Variants in SNCAIP observed in about 807,000 individuals in gnomAD.
SNCAIP encodes synphilin-1.
In SNCAIP, 43 loss-of-function variants were observed where a neutral mutation model predicts 86.7. The observed-to-expected ratio is 0.50, with a 90% confidence interval of 0.39 to 0.64. The LOEUF (loss-of-function observed/expected upper bound fraction) is 0.64. Ranked by LOEUF, SNCAIP falls within the 30% of genes least tolerant of loss-of-function variation. The pLI, the probability that SNCAIP is intolerant of heterozygous loss-of-function variation, is 0.00. For synonymous variants in SNCAIP, 417 were observed against 427.2 expected (o/e 0.98, Z 0.29); for missense variants, 981 against 1,103.1 (o/e 0.89, Z 1.57).
intron 3 of SNCAIP, among the ~76,000 whole-genome samples, chr5:122,418,917 T>C (rs1347161089): frequency 1.3e-5 from 2 of 152,124 alleles, no homozygotes; most frequent in African/African-American, 2.4e-5. Flanking sequence ...AGGAAAACCT[T>C]GCAGAGACTG....
At chr5:122,336,037 T>C (rs899177448) in intron 1 of SNCAIP, among the ~76,000 whole-genome samples, 1 of 152,216 alleles carries the variant, frequency 6.6e-6, no homozygotes, top group Admixed American at 6.5e-5. Flanking sequence ...AATATCTGCA[T>C]TTTATTATTA....
At chr5:122,348,550 A>G (rs533746151) in intron 1 of SNCAIP, among the ~76,000 whole-genome samples, 73 of 152,286 alleles carry the variant, frequency 4.8e-4, no homozygotes, top group Non-Finnish European at 8.8e-4. Context: ...GCTTATAACA[A>G]TTTAATGCAG....
At chr5:122,313,391 T>A (rs139806670) in intron 1 of SNCAIP, among the ~76,000 whole-genome samples, 180 of 152,368 alleles carry the variant, frequency 1.2e-3, no homozygotes, top group African/African-American at 3.8e-3. Context: ...AAATAAGGGC[T>A]GTCTGGGGAA....
intron 8 of SNCAIP, among the ~76,000 whole-genome samples, chr5:122,446,240 T>C (rs953350701): frequency 6.6e-6 from 1 of 152,222 alleles, no homozygotes; most frequent in Admixed American, 6.5e-5. Flanking sequence ...GACATACATA[T>C]TTAAAATGTG....
At chr5:122,403,202 G>A (rs1012522942) in intron 2 of SNCAIP, among the ~76,000 whole-genome samples, 1 of 152,128 alleles carries the variant, frequency 6.6e-6, no homozygotes, top group Non-Finnish European at 1.5e-5. Flanking sequence ...AAAGAGATGA[G>A]CTTTCAAACA....
chr5:122,387,914 A>T (rs540130575), intron 1 of SNCAIP, among the ~76,000 whole-genome samples: 45 of 152,366 alleles, frequency 3.0e-4, no homozygotes, highest in African/African-American at 9.9e-4. Context: ...ATCTTAGAAT[A>T]CAAATTAAAT....
intron 1 of SNCAIP, among the ~76,000 whole-genome samples, chr5:122,330,111 T>TC (rs1754946604): frequency 1.4e-5 from 2 of 142,920 alleles, no homozygotes; most frequent in African/African-American, 5.4e-5. Context: ...GTGTACAACT[T>TC]CATTTCTTTT....
chr5:122,377,772 G>A (rs1306216190), intron 1 of SNCAIP, among the ~76,000 whole-genome samples: 6 of 140,774 alleles, frequency 4.3e-5, no homozygotes, highest in Non-Finnish European at 7.5e-5. Context: ...TCCCACCTAT[G>A]AGTGAGAATA....
intron 5 of SNCAIP, among the ~76,000 whole-genome samples, chr5:122,426,434 A>C (rs1777386380): frequency 6.6e-6 from 1 of 152,334 alleles, no homozygotes; most frequent in African/African-American, 2.4e-5. Flanking sequence ...CATTTAAAAA[A>C]CCATTAACTG....
At chr5:122,335,673 T>A (rs1233357496) in intron 1 of SNCAIP, among the ~76,000 whole-genome samples, 1 of 152,172 alleles carries the variant, frequency 6.6e-6, no homozygotes, top group African/African-American at 2.4e-5. Flanking sequence ...AAGGAGAAGT[T>A]GAGCTCTGAC....
intron 1 of SNCAIP, among the ~76,000 whole-genome samples, chr5:122,338,515 G>A (rs371424231): frequency 1.3e-5 from 2 of 151,922 alleles, no homozygotes; most frequent in Non-Finnish European, 2.9e-5. Context: ...TATTGTCCTG[G>A]GTATTAAAAT....
chr5:122,382,372 A>C (rs1767035702), intron 1 of SNCAIP, among the ~76,000 whole-genome samples: 1 of 151,938 alleles, frequency 6.6e-6, no homozygotes, highest in Non-Finnish European at 1.5e-5. Context: ...GTAATTCTCG[A>C]GCCTTGGTTT....
intron 3 of SNCAIP, among the ~76,000 whole-genome samples, chr5:122,409,582 G>A (rs1308626324): frequency 3.9e-5 from 6 of 152,200 alleles, no homozygotes; most frequent in Non-Finnish European, 8.8e-5. Context: ...ATGACAATGA[G>A]TAAGGAAACA....
At chr5:122,332,135 A>G (rs1755487234) in intron 1 of SNCAIP, among the ~76,000 whole-genome samples, 1 of 152,252 alleles carries the variant, frequency 6.6e-6, no homozygotes, top group South Asian at 2.1e-4. Flanking sequence ...ATTTTAAATC[A>G]TTCTCCAACT....
chr5:122,428,127 T>C (rs1399012587), intron 5 of SNCAIP, among the ~76,000 whole-genome samples: 1 of 152,228 alleles, frequency 6.6e-6, no homozygotes, highest in African/African-American at 2.4e-5. Flanking sequence ...AGTCTAGGAA[T>C]GAAATAATCT....
intron 1 of SNCAIP, among the ~76,000 whole-genome samples, chr5:122,339,365 A>G (rs879632507): frequency 6.6e-6 from 1 of 152,204 alleles, no homozygotes; most frequent in Non-Finnish European, 1.5e-5. Context: ...TGAGTAGGCA[A>G]CTAATTATCT....
chr5:122,460,883 GCTGCCTCCTGGCA>G (rs1786033855), intron 10 of SNCAIP, among the ~76,000 whole-genome samples: 1 of 152,070 alleles, frequency 6.6e-6, no homozygotes, highest in African/African-American at 2.4e-5. Flanking sequence ...CATCTTCACT[GCTGCCTCCTGGCA>G]CTGCCACACA....
At chr5:122,370,590 T>G (rs1764091227) in intron 1 of SNCAIP, among the ~76,000 whole-genome samples, 1 of 152,136 alleles carries the variant, frequency 6.6e-6, no homozygotes, top group Non-Finnish European at 1.5e-5. Flanking sequence ...ATCCTTCTGT[T>G]TCATAGTTAT....
At chr5:122,427,961 G>T (rs1274644682) in intron 5 of SNCAIP, among the ~76,000 whole-genome samples, 2 of 152,092 alleles carry the variant, frequency 1.3e-5, no homozygotes, top group African/African-American at 4.8e-5. Flanking sequence ...ACCACTTCTG[G>T]GATACCCAAG....
Sources: allele counts gnomAD v4.1 joint callset (sites outside exome capture counted in the v4.1 genomes callset), GRCh38; gene constraint gnomAD v4.1.1; transcripts MANE v1.5; gene names NCBI Gene and HGNC (gene_info 2026-07-23, HGNC 2026-07-21).